The following NAV2 variants were observed in gnomAD, a reference collection of about 807,000 sequenced individuals.
NAV2 encodes neuron navigator 2, also known as helicase, APC down-regulated 1.
In NAV2, 54 loss-of-function variants were observed where a neutral mutation model predicts 223.2. That is an observed-to-expected ratio of 0.24 (90% CI 0.19 to 0.30). The LOEUF is 0.30. Ranked by LOEUF, NAV2 falls within the 10% of genes least tolerant of loss-of-function variation. The pLI is 1.00. For missense variants in NAV2, 2,806 were observed against 3,147.5 expected (o/e 0.89, Z 2.60); for synonymous variants, 1,279 against 1,239.3 (o/e 1.03, Z -0.67).
chr11:19,700,674 C>T (rs2152283030), intron 1 of NAV2, among the ~76,000 whole-genome samples: 1 of 152,334 alleles, frequency 6.6e-6, no homozygotes. Flanking sequence ...AGCAAAAGCC[C>T]TATTCTTGCC....
chr11:20,106,363 A>G (rs1228478193), intron 35 of NAV2, among the ~76,000 whole-genome samples: 1 of 148,570 alleles, frequency 6.7e-6, no homozygotes, highest in Non-Finnish European at 1.5e-5. Flanking sequence ...GTTCGAAACC[A>G]GCCTGGCCAA....
chr11:19,722,589 A>G (rs1565206569), intron 1 of NAV2, among the ~76,000 whole-genome samples: 1 of 152,182 alleles, frequency 6.6e-6, no homozygotes, highest in Non-Finnish European at 1.5e-5. Flanking sequence ...CATGACTTCC[A>G]TGAGGTCAGG....
chr11:19,498,708 A>G (rs1041900355), intron 1 of NAV2, among the ~76,000 whole-genome samples: 2 of 152,144 alleles, frequency 1.3e-5, no homozygotes, highest in Non-Finnish European at 2.9e-5. Context: ...ACTCATCCAC[A>G]TATTTACTTA....
intron 6 of NAV2, among the ~76,000 whole-genome samples, chr11:19,924,575 C>T (rs867879906): frequency 6.6e-6 from 1 of 152,192 alleles, no homozygotes; most frequent in African/African-American, 2.4e-5. Flanking sequence ...TGTGCTTTTA[C>T]ATTCTGCATA....
chr11:20,114,892 TCCAGCCTTGCTTTGG>T, intron 37 of NAV2, 97 bp downstream of exon 37: 7 of 1,234,878 alleles, frequency 5.7e-6, no homozygotes, highest in Non-Finnish European at 7.9e-6. Context: ...GGTGACTAAA[TCCAGCCTTGCTTTGG>T]AAGGCTGGAC....
chr11:19,362,299 T>C (rs1204056075), intron 1 of NAV2, among the ~76,000 whole-genome samples: 2 of 152,208 alleles, frequency 1.3e-5, no homozygotes, highest in Middle Eastern at 3.2e-3. Context: ...ATACCATTAT[T>C]AGACATTAAC....
rs1358678883 is a variant in NAV2 at position 19,935,082 on chromosome 11, G to A, written c.2033+805G>A. ...GAGGCACATGGGATTCAGGGGCCAC[G>A]TCATACACATGGATGAGTCCACTCC... On this transcript the variant is annotated intron_variant, in intron 7 of 37. Transcript: ENST00000349880. Among the ~76,000 whole-genome samples, 10 of 152,242 alleles carry A rather than the reference G, an allele frequency of 6.6e-5. No individual in the cohort carries two copies. In the East Asian group the frequency reaches 7.7e-4, roughly 12 times the overall value.
intron 1 of NAV2, among the ~76,000 whole-genome samples, chr11:19,635,427 G>A (rs900657841): frequency 2.0e-5 from 3 of 152,080 alleles, no homozygotes; most frequent in African/African-American, 4.8e-5. Flanking sequence ...GGCTGTCTTA[G>A]TCAGTCTAGT....
At chr11:19,478,047 T>C (rs1042124734) in intron 1 of NAV2, among the ~76,000 whole-genome samples, 17 of 152,226 alleles carry the variant, frequency 1.1e-4, no homozygotes, top group African/African-American at 4.1e-4. Context: ...AGCTATCCTA[T>C]AGCCTTCAAA....
At chr11:19,944,620 TTTC>T (rs1339736832) in intron 8 of NAV2, among the ~76,000 whole-genome samples, 2 of 147,090 alleles carry the variant, frequency 1.4e-5, no homozygotes, top group Admixed American at 1.4e-4. Context: ...CTTCTTTCTT[TTTC>T]TTTTTTCTTT....
chr11:19,980,344 C>A (rs1327629683), intron 10 of NAV2, among the ~76,000 whole-genome samples: 1 of 152,200 alleles, frequency 6.6e-6, no homozygotes, highest in Admixed American at 6.5e-5. Context: ...ACTCAGAAGA[C>A]ATTAGGATGT....
intron 1 of NAV2, among the ~76,000 whole-genome samples, chr11:19,829,599 T>C (rs1299351192): frequency 6.6e-6 from 1 of 152,234 alleles, no homozygotes; most frequent in Non-Finnish European, 1.5e-5. Flanking sequence ...ATACCAATGA[T>C]GTAGGTATCA....
intron 1 of NAV2, among the ~76,000 whole-genome samples, chr11:19,654,546 A>G (rs1419449822): frequency 6.6e-6 from 1 of 152,218 alleles, no homozygotes; most frequent in Non-Finnish European, 1.5e-5. Context: ...AAACAGAGTT[A>G]TAGACCAATG....
intron 31 of NAV2, among the ~76,000 whole-genome samples, chr11:20,099,998 A>G (rs1229673947): frequency 1.3e-5 from 2 of 152,188 alleles, no homozygotes; most frequent in Non-Finnish European, 2.9e-5. Context: ...TGGAAGAGTC[A>G]TTGTACACTT....
intron 1 of NAV2, among the ~76,000 whole-genome samples, chr11:19,462,736 A>G (rs1049450966): frequency 6.6e-6 from 1 of 152,196 alleles, no homozygotes; most frequent in African/African-American, 2.4e-5. Context: ...CTTAGCCTCC[A>G]TCAGTCTTTG....
chr11:19,928,835 C>T (rs1168720227), intron 6 of NAV2, among the ~76,000 whole-genome samples: 1 of 152,170 alleles, frequency 6.6e-6, no homozygotes, highest in Non-Finnish European at 1.5e-5. Flanking sequence ...AGGATCACGC[C>T]ATGAGTTGGG....
rs946647670 is a variant in NAV2, at chr11:20,101,136, T to A, written c.6381T>A (p.Val2127=). The change falls in exon 32 of 38, where the codon GTT becomes GTA. Residue 2127 remains valine, a synonymous_variant. Coordinates refer to ENST00000349880, the MANE Select transcript of NAV2 (RefSeq NM_145117.5). ...LREGRELTDG[V]IATFNVDHKS... ...AGGGACGGGAGTTGACAGACGGGGT[T>A]ATCGCCACCTTTAACGTGGACCATA... is the stretch of plus-strand genomic sequence containing the variant. 6.2e-7 allele frequency: 1 copy of A among 1,613,968 alleles called. No homozygotes were observed. The highest frequency in any genetic ancestry group is 1.3e-5 in the African/African-American group (1 of 74,912).
At chr11:20,102,461 A>G (rs888429619) in intron 32 of NAV2, among the ~76,000 whole-genome samples, 2 of 152,062 alleles carry the variant, frequency 1.3e-5, no homozygotes, top group African/African-American at 4.8e-5. Context: ...CAGGCACCTT[A>G]TCATACCATG....
At chr11:19,635,105 A>G (rs150598882) in intron 1 of NAV2, among the ~76,000 whole-genome samples, 334 of 152,254 alleles carry the variant, frequency 2.2e-3, no homozygotes, top group Middle Eastern at 0.02. Flanking sequence ...CTTAGAATCT[A>G]TCACTTCTAG....
Sources: allele counts gnomAD v4.1 joint callset (sites outside exome capture counted in the v4.1 genomes callset), GRCh38; gene constraint gnomAD v4.1.1; transcripts MANE v1.5; gene names NCBI Gene and HGNC (gene_info 2026-07-23, HGNC 2026-07-21).